The following ABR variants were observed in gnomAD, a reference collection of about 807,000 sequenced individuals.
The protein encoded by ABR is ABR activator of RhoGEF and GTPase.
In ABR, 35 loss-of-function variants were observed where a neutral mutation model predicts 107.2. That is an observed-to-expected ratio of 0.33 (90% CI 0.25 to 0.43). The LOEUF (loss-of-function observed/expected upper bound fraction) is 0.43. ABR is among the 20% of genes least tolerant of loss of function. The pLI is 1.00. For synonymous variants in ABR, 498 were observed against 462.0 expected (o/e 1.08, Z -1.00); for missense variants, 815 against 1,115.2 (o/e 0.73, Z 3.83).
chr17:1,074,775 A>C (rs1007585361), intron 6 of ABR, among the ~76,000 whole-genome samples: 1 of 152,182 alleles, frequency 6.6e-6, no homozygotes, highest in African/African-American at 2.4e-5. Context: ...GTGAAACCCC[A>C]TCTCTATTAA....
intron 1 of ABR, among the ~76,000 whole-genome samples, chr17:1,216,513 TCTAA>T (rs369060669): frequency 1.3e-5 from 2 of 152,236 alleles, no homozygotes; most frequent in African/African-American, 2.4e-5. Context: ...GCCCGTCGGC[TCTAA>T]CTAATGCCTC....
At chr17:1,191,283 CTGCCAGCTTCT>C (rs147626667), upstream of ABR, among the ~76,000 whole-genome samples, 1,765 of 151,844 alleles carry the variant, frequency 0.012, 43 homozygotes, top group African/African-American at 0.04. Context: ...GCCAAGCTTC[CTGCCAGCTTCT>C]CACCAGCTTC....
intron 1 of ABR, among the ~76,000 whole-genome samples, chr17:1,159,317 G>A (rs1220104401): frequency 1.0e-5 from 1 of 95,694 alleles, no homozygotes; most frequent in African/African-American, 3.9e-5. Flanking sequence ...CACAAGGGAA[G>A]TAAGAATGCA....
chr17:1,054,016 G>A (rs1440583812), intron 14 of ABR, among the ~76,000 whole-genome samples: 1 of 152,194 alleles, frequency 6.6e-6, no homozygotes, highest in African/African-American at 2.4e-5. Context: ...ATCGAGAAGT[G>A]CCCAAAAGGT....
chr17:1,063,085 ACTG>A (rs373243468), intron 10 of ABR, among the ~76,000 whole-genome samples: 1 of 70,980 alleles, frequency 1.4e-5, no homozygotes, highest in Non-Finnish European at 2.8e-5. Flanking sequence ...TCCTCTAGAC[ACTG>A]CTGTTATGTG....
chr17:1,117,964 C>A (rs1460705793), intron 2 of ABR, among the ~76,000 whole-genome samples: 8 of 102,454 alleles, frequency 7.8e-5, no homozygotes, highest in East Asian at 2.5e-4. Context: ...GAGTTCTCCC[C>A]AGCGTTATCC....
At chr17:1,117,821 C>A (rs1311411623) in intron 2 of ABR, among the ~76,000 whole-genome samples, 1 of 84,322 alleles carries the variant, frequency 1.2e-5, no homozygotes. Context: ...GTCCTCCCAG[C>A]GTTATCCCTG....
intron 17 of ABR, 79 bp from the exon 18 acceptor site, chr17:1,012,876 T>A: frequency 1.6e-6 from 2 of 1,252,460 alleles, no homozygotes; most frequent in Non-Finnish European, 2.3e-6. Flanking sequence ...AGGGGTCCCC[T>A]CCCCAAGACT....
At chr17:1,220,678 C>T (rs1237560154) in intron 1 of ABR, among the ~76,000 whole-genome samples, 1 of 152,204 alleles carries the variant, frequency 6.6e-6, no homozygotes, top group East Asian at 1.9e-4. Context: ...CCACTCCCCA[C>T]CCTCCTTGCA....
At chr17:1,103,477 C>T (rs1181565775) in intron 2 of ABR, among the ~76,000 whole-genome samples, 1 of 152,214 alleles carries the variant, frequency 6.6e-6, no homozygotes, top group African/African-American at 2.4e-5. Context: ...GCAAATGCCA[C>T]ACCGTGAGCT....
chr17:1,129,606 A>G (rs2039740501), intron 1 of ABR, among the ~76,000 whole-genome samples: 1 of 152,192 alleles, frequency 6.6e-6, no homozygotes, highest in African/African-American at 2.4e-5. Flanking sequence ...AGTGAGTGAC[A>G]TGCTGGAGTG....
At position 1,013,094 on chromosome 17, in the gene ABR, C is replaced by A. The variant is rs777952601; in HGVS notation, c.1851+11G>T. ...GGCTCACGCCACTGATCATTCCCAT[C>A]CCCGGCTCACCCCGTTCATCTCAAT... On this transcript the variant is annotated intron_variant, in intron 17 of 22. Transcript: ENST00000302538. The A allele has an allele frequency of 1.9e-6, 3 of 1,613,928 alleles. No individual in the cohort carries two copies. The highest frequency in any genetic ancestry group is 1.7e-4 in the Middle Eastern group (1 of 6,008).
At chr17:1,228,617 C>G (rs967232793) in intron 1 of ABR, among the ~76,000 whole-genome samples, 3 of 152,180 alleles carry the variant, frequency 2.0e-5, no homozygotes, top group African/African-American at 4.8e-5. Flanking sequence ...CACGTGTTTT[C>G]TAAGCTCCAC....
At chr17:1,033,577 T>C (rs60929319) in intron 16 of ABR, among the ~76,000 whole-genome samples, 12,959 of 152,240 alleles carry the variant, frequency 0.085, 1,088 homozygotes, top group African/African-American at 0.21. Flanking sequence ...GAGGGGGGCC[T>C]TGGGGCGTCC....
At chr17:1,184,949 G>A (rs1432753157), upstream of ABR, 2 of 152,228 alleles carry the variant, frequency 1.3e-5, no homozygotes, top group Non-Finnish European at 2.9e-5. Flanking sequence ...AAATTGAGGT[G>A]CAGAGAGGCT....
chr17:1,078,430 T>G lies in ABR; in HGVS notation c.700+900A>C, dbSNP rs2035917975. 6.6e-6 allele frequency among the ~76,000 whole-genome samples: 1 copy of G among 152,020 alleles called. No homozygotes were observed. Among genetic ancestry groups the G allele is most frequent in the African/African-American group, 2.4e-5 (1 of 41,402 alleles). ...CCGCCGTCCGGACCATCGCCACCCA[T>G]CGCCACGCTGTGCCTGGCCCCCGCA... On this transcript the variant is annotated intron_variant, in intron 6 of 22. Coordinates refer to ENST00000302538, the MANE Select transcript of ABR (RefSeq NM_021962.5). The surrounding 1 kb of genome is among the most constrained non-coding windows in gnomAD (Gnocchi z 7.5).
intron 2 of ABR, among the ~76,000 whole-genome samples, chr17:1,112,801 A>G (rs1446369621): frequency 6.6e-6 from 1 of 152,084 alleles, no homozygotes; most frequent in African/African-American, 2.4e-5. Flanking sequence ...ATCAAGTCTA[A>G]ATCTCAGTCT....
chr17:1,016,907 G>A (rs560987481), intron 16 of ABR, among the ~76,000 whole-genome samples: 4 of 152,248 alleles, frequency 2.6e-5, no homozygotes, highest in South Asian at 2.1e-4. Context: ...CTGTCATCAC[G>A]GAAGGGAAAC....
rs1017387819 is a variant in ABR, at chr17:1,071,450, G to A, written c.894+1164C>T. Among the ~76,000 whole-genome samples, 24 of 152,294 alleles carry A rather than the reference G, an allele frequency of 1.6e-4. No individual in the cohort carries two copies. Among genetic ancestry groups the A allele is most frequent in the South Asian group, 1.0e-3 (5 of 4,826 alleles). ...CCCCTGGACAGGAAGCCTTTCACCC[G>A]GGCCCGGCTGCCAATCCACGAAGGC... On this transcript the variant is annotated intron_variant, in intron 8 of 22. Transcript: ENST00000302538. The surrounding 1 kb of genome is among the most constrained non-coding windows in gnomAD (Gnocchi z 5.1).
Sources: allele counts gnomAD v4.1 joint callset (sites outside exome capture counted in the v4.1 genomes callset), GRCh38; gene constraint gnomAD v4.1.1; non-coding constraint Gnocchi (gnomAD v3.1); transcripts MANE v1.5; gene names NCBI Gene and HGNC (gene_info 2026-07-23, HGNC 2026-07-21).